Variants in VPS8 observed in about 807,000 individuals in gnomAD.
VPS8 encodes the protein VPS8 subunit of CORVET complex.
VPS8 carries 129 observed loss-of-function variants against 216.4 expected under a neutral mutation model. That is an observed-to-expected ratio of 0.60 (90% CI 0.52 to 0.69). The LOEUF (loss-of-function observed/expected upper bound fraction) is 0.69, where lower values mean the gene tolerates loss of function less well. Among genes scored for constraint, VPS8 ranks in the 30% least tolerant of loss-of-function variants. VPS8 has a pLI of 0.00. For missense variants in VPS8, 1,531 were observed against 1,683.5 expected (o/e 0.91, Z 1.59); for synonymous variants, 571 against 565.4 (o/e 1.01, Z -0.14).
rs1022263991 is a variant in VPS8, at chr3:184,908,209, T to G, written c.2147-5310T>G. 2.0e-5 allele frequency among the ~76,000 whole-genome samples: 3 copies of G among 152,182 alleles called. 1 individual carries two copies. The highest frequency in any genetic ancestry group is 2.0e-4 in the Admixed American group (3 of 15,286). On this transcript the variant is annotated intron_variant, in intron 25 of 47. Transcript: ENST00000625842. Reference sequence around the variant, plus strand: ...AAATAAGCCCTGAAAATGGAGCTTTTAAGTAAGCTGCCAGATAGGTCAAAT... The same window carrying G: ...AAATAAGCCCTGAAAATGGAGCTTTGAAGTAAGCTGCCAGATAGGTCAAAT...
rs188724461 is a variant in VPS8 at position 185,002,614 on chromosome 3, C to T, written c.4002+2753C>T. 2.0e-3 allele frequency among the ~76,000 whole-genome samples: 297 copies of T among 152,202 alleles called. 4 individuals carry two copies. Among genetic ancestry groups the T allele is most frequent in the African/African-American group, 6.7e-3 (279 of 41,530 alleles). ...CCTTACTTTGCTCCAGTCCTTCCCC[C>T]CTCCCTGAGTCCCCAAAGTCCATTA... On this transcript the variant is annotated intron_variant, in intron 45 of 47. Coordinates refer to ENST00000625842, the MANE Select transcript of VPS8 (RefSeq NM_001009921.3).
chr3:184,862,259 G>C (rs1726523296), intron 15 of VPS8, among the ~76,000 whole-genome samples: 1 of 152,068 alleles, frequency 6.6e-6, no homozygotes, highest in Admixed American at 6.5e-5. Flanking sequence ...TTGAAAATAA[G>C]AAATCTGATT....
intron 4 of VPS8, among the ~76,000 whole-genome samples, chr3:184,834,287 AT>A (rs1459449183): frequency 6.6e-6 from 1 of 152,110 alleles, no homozygotes; most frequent in Non-Finnish European, 1.5e-5. Flanking sequence ...AGGAATGGTG[AT>A]TTGATTCATT....
At chr3:185,014,884 C>T (rs1460774270) in intron 45 of VPS8, among the ~76,000 whole-genome samples, 1 of 152,180 alleles carries the variant, frequency 6.6e-6, no homozygotes, top group East Asian at 1.9e-4. Context: ...ATGCCCATCA[C>T]CGCAAAACAC....
intron 46 of VPS8, among the ~76,000 whole-genome samples, chr3:185,032,814 C>T (rs998334779): frequency 2.6e-5 from 4 of 152,062 alleles, no homozygotes; most frequent in Admixed American, 2.0e-4. Context: ...TACAGGTGTC[C>T]GCCACCAAGC....
At chr3:184,877,593 A>G (rs1173193710) in intron 21 of VPS8, among the ~76,000 whole-genome samples, 1 of 152,138 alleles carries the variant, frequency 6.6e-6, no homozygotes, top group Non-Finnish European at 1.5e-5. Flanking sequence ...ATTTACCTCC[A>G]TTTTCCAGAG....
chr3:184,978,287 C>T (rs1749630844), intron 40 of VPS8, among the ~76,000 whole-genome samples: 1 of 151,826 alleles, frequency 6.6e-6, no homozygotes, highest in East Asian at 1.9e-4. Flanking sequence ...GTTAATGTCC[C>T]CTTGTCATTT....
intron 46 of VPS8, among the ~76,000 whole-genome samples, chr3:185,037,278 A>G (rs1245994633): frequency 6.6e-6 from 1 of 152,058 alleles, no homozygotes; most frequent in African/African-American, 2.4e-5. Context: ...TTCTTCAAAC[A>G]TTTTGAATAT....
chr3:184,875,562 A>G (rs1729102229), intron 21 of VPS8, among the ~76,000 whole-genome samples: 1 of 152,038 alleles, frequency 6.6e-6, no homozygotes, highest in Non-Finnish European at 1.5e-5. Context: ...ATATGCGTTT[A>G]TATATGTTCA....
At chr3:185,007,504 G>A (rs1461362618) in intron 45 of VPS8, among the ~76,000 whole-genome samples, 1 of 152,180 alleles carries the variant, frequency 6.6e-6, no homozygotes. Context: ...CAGGTAACTT[G>A]ATATAAATTC....
At chr3:184,873,716 G>T (rs1728753946) in intron 21 of VPS8, among the ~76,000 whole-genome samples, 1 of 152,022 alleles carries the variant, frequency 6.6e-6, no homozygotes, top group Admixed American at 6.6e-5. Context: ...GAAAAGTCCA[G>T]ATAAGTGTAT....
chr3:184,826,281 A>T, intron 3 of VPS8, 50 bp downstream of exon 3: 1 of 1,502,202 alleles, frequency 6.7e-7, no homozygotes, highest in Middle Eastern at 1.8e-4. Flanking sequence ...CATTCATCTT[A>T]ATACTTTTTG....
intron 21 of VPS8, among the ~76,000 whole-genome samples, chr3:184,878,928 T>C (rs1729782371): frequency 6.6e-6 from 1 of 152,046 alleles, no homozygotes; most frequent in African/African-American, 2.4e-5. Context: ...TTATCTGTTT[T>C]GGTGTATGCG....
chr3:184,838,896 C>A, intron 6 of VPS8, 150 bp downstream of exon 6: 1 of 604,282 alleles, frequency 1.7e-6, no homozygotes, highest in Non-Finnish European at 2.7e-6. Flanking sequence ...TAACATTTAT[C>A]CATGTTGAAT....
intron 3 of VPS8, among the ~76,000 whole-genome samples, chr3:184,830,156 C>G (rs562415869): frequency 6.6e-6 from 1 of 152,140 alleles, no homozygotes; most frequent in African/African-American, 2.4e-5. Flanking sequence ...TGTAATTCAT[C>G]TGGAATTTTT....
At chr3:184,813,599 C>T (rs1715657704) in intron 1 of VPS8, 1 of 152,186 alleles carries the variant, frequency 6.6e-6, no homozygotes, top group South Asian at 2.1e-4. Flanking sequence ...CGTTGAACTA[C>T]TGGGCTTTAT....
At position 184,849,130 on chromosome 3, in the gene VPS8, G is replaced by A. The variant is rs1217462912; in HGVS notation, c.601G>A (p.Ala201Thr). 12 of 1,613,304 alleles carry A rather than the reference G, an allele frequency of 7.4e-6. No homozygotes were observed. The highest frequency in any genetic ancestry group is 6.7e-5 in the Admixed American group (4 of 59,984). The change falls in exon 9 of 48, where the codon GCT becomes ACT. Residue 201 changes from alanine to threonine, a missense_variant. By Grantham distance (58) the Ala-to-Thr change is moderately conservative. This residue lies in a region of VPS8 where 1,318 missense variants were observed against 1,468.4 expected (regional missense o/e 0.90). Transcript: ENST00000625842. ...GSTSVGGQYGAISALSINNDC... is the reference protein window; with the variant it reads ...GSTSVGGQYGTISALSINNDC... ...CACTAGTGTTGGAGGTCAGTATGGC[G>A]CTATCTCTGCCCTCAGTATCAACAA... is the stretch of plus-strand genomic sequence containing the variant.
At chr3:184,853,778 A>C in intron 11 of VPS8, 79 bp from the exon 12 acceptor site, 1 of 1,461,004 alleles carries the variant, frequency 6.8e-7, no homozygotes, top group Non-Finnish European at 9.3e-7. Flanking sequence ...GTAGGAGGCT[A>C]TGAAAGTAGT....
At chr3:184,836,377 A>G (rs546321745) in intron 5 of VPS8, 2 of 454,626 alleles carry the variant, frequency 4.4e-6, no homozygotes, top group South Asian at 3.1e-5. Flanking sequence ...GAACCAGAAC[A>G]GTCATTTGAC....
Sources: gnomAD v4.1 joint callset for allele counts (sites outside exome capture counted in the v4.1 genomes callset) on GRCh38, gnomAD v4.1.1 for gene constraint, gnomAD v4.1.1 regional missense constraint, MANE v1.5 for transcripts, NCBI Gene and HGNC (gene_info 2026-07-23, HGNC 2026-07-21) for gene names.